Variants in TSPEAR observed in about 807,000 individuals in gnomAD.
The protein encoded by TSPEAR is thrombospondin-type laminin G domain and EAR repeat-containing protein.
In TSPEAR, 69 loss-of-function variants were observed where a neutral mutation model predicts 71.6. That is an observed-to-expected ratio of 0.96 (90% CI 0.79 to 1.18). The LOEUF is 1.18. Ranked by LOEUF, TSPEAR falls within the 50% of genes most tolerant of loss-of-function variation. The pLI, the probability that TSPEAR is intolerant of heterozygous loss-of-function variation, is 0.00. For missense variants in TSPEAR, 971 were observed against 894.9 expected, an observed-to-expected ratio of 1.09 and a Z score of -1.09; for synonymous variants, 402 against 387.2, an observed-to-expected ratio of 1.04 and a Z score of -0.45.
intron 1 of TSPEAR, among the ~76,000 whole-genome samples, chr21:44,655,096 G>A (rs1360456145): frequency 4.6e-5 from 7 of 152,192 alleles, no homozygotes; most frequent in Non-Finnish European, 8.8e-5. Flanking sequence ...TGATTATTGA[G>A]GTAACAGTAA....
At position 44,602,939 on chromosome 21, in the gene TSPEAR, C is replaced by T. The variant is rs587724355; in HGVS notation, c.83-34934G>A. The stretch of plus-strand genomic sequence containing the variant: ...GGCCTGTGTCCTCCTGGAGAATCGC[C>T]GTCTTGGGGACCCTGACACAGACCC... On this transcript the variant is annotated intron_variant, in intron 1 of 11. Transcript: ENST00000323084. Among the ~76,000 whole-genome samples, 277 of 152,210 alleles carry T rather than the reference C, an allele frequency of 1.8e-3. 1 individual carries two copies. Among genetic ancestry groups the T allele is most frequent in the Middle Eastern group, 6.8e-3 (2 of 294 alleles).
intron 1 of TSPEAR, among the ~76,000 whole-genome samples, chr21:44,649,896 A>C (rs1328324956): frequency 6.6e-6 from 1 of 151,740 alleles, no homozygotes; most frequent in Non-Finnish European, 1.5e-5. Flanking sequence ...CTTTGCACCG[A>C]CCTCTTTCCT....
At chr21:44,499,960 G>A (rs782290422) in intron 11 of TSPEAR, 24 bp from the exon 12 acceptor site, 8 of 1,585,784 alleles carry the variant, frequency 5.0e-6, no homozygotes, top group Non-Finnish European at 6.0e-6. Flanking sequence ...AGCGGCAGCC[G>A]GGTCAGCCTG....
chr21:44,615,756 C>T (rs1440544600), intron 1 of TSPEAR, among the ~76,000 whole-genome samples: 2 of 152,152 alleles, frequency 1.3e-5, no homozygotes, highest in African/African-American at 2.4e-5. Context: ...CATCATGCAA[C>T]AGTCGTATCC....
chr21:44,595,551 T>C lies in TSPEAR; in HGVS notation c.83-27546A>G, dbSNP rs147941732. Among the ~76,000 whole-genome samples, 245 of 152,302 alleles carry C rather than the reference T, an allele frequency of 1.6e-3. 1 individual carries two copies. The highest frequency in any genetic ancestry group is 5.7e-3 in the African/African-American group (235 of 41,568). On this transcript the variant is annotated intron_variant, in intron 1 of 11. Coordinates refer to ENST00000323084, the MANE Select transcript of TSPEAR (RefSeq NM_144991.3). Reference sequence around the variant, plus strand: ...AAGTTGGTTGAACACATGTGTTTTCTCTGTAAGACGTGCTGGAGCCTTCTG... The same window carrying C: ...AAGTTGGTTGAACACATGTGTTTTCCCTGTAAGACGTGCTGGAGCCTTCTG...
chr21:44,583,869 C>G (rs1569201521), intron 1 of TSPEAR, among the ~76,000 whole-genome samples: 1 of 152,124 alleles, frequency 6.6e-6, no homozygotes, highest in Admixed American at 6.5e-5. Context: ...TGTGATGAGA[C>G]ATTTAAGGTG....
At chr21:44,505,964 T>C (rs1555911870) in intron 10 of TSPEAR, among the ~76,000 whole-genome samples, 1 of 152,162 alleles carries the variant, frequency 6.6e-6, no homozygotes, top group Non-Finnish European at 1.5e-5. Context: ...GGTTTCCCGC[T>C]CTGGACACTG....
intron 10 of TSPEAR, chr21:44,508,902 C>G (rs1555912233): frequency 2.7e-6 from 4 of 1,483,050 alleles, no homozygotes; most frequent in Non-Finnish European, 3.6e-6. Flanking sequence ...GAAGCCCCCT[C>G]CTGCCTCCAC....
intron 1 of TSPEAR, among the ~76,000 whole-genome samples, chr21:44,603,495 CT>C (rs1473014910): frequency 6.6e-6 from 1 of 152,194 alleles, no homozygotes; most frequent in Non-Finnish European, 1.5e-5. Flanking sequence ...GGCTCCTCCC[CT>C]AGGCATGGCC....
chr21:44,515,211 A>G (rs587717207), intron 9 of TSPEAR, among the ~76,000 whole-genome samples: 2 of 152,394 alleles, frequency 1.3e-5, no homozygotes, highest in East Asian at 1.9e-4. Flanking sequence ...AATGTGAGAA[A>G]TGTTGGCAAA....
At chr21:44,516,076 T>A (rs1460450965) in intron 9 of TSPEAR, 1 of 152,194 alleles carries the variant, frequency 6.6e-6, no homozygotes, top group Non-Finnish European at 1.5e-5. Context: ...CTCCTGAGCC[T>A]CAGTTTCCAC....
At chr21:44,508,757 G>C in intron 10 of TSPEAR, 2 of 1,277,192 alleles carry the variant, frequency 1.6e-6, no homozygotes, top group Non-Finnish European at 2.0e-6. Flanking sequence ...GTTTGTTGTC[G>C]GGGAGGATGC....
intron 1 of TSPEAR, chr21:44,677,185 T>C (rs1569253771): frequency 2.8e-6 from 2 of 712,666 alleles, no homozygotes; most frequent in Non-Finnish European, 5.2e-6. Context: ...ACCTCTTCTT[T>C]CTTTGCATTT....
Position 44,527,452 on chromosome 21 carries a change from A to C in TSPEAR, c.989T>G (p.Ile330Ser). ...CACCTGAGGGATGCGGAACACCTCA[A>C]TGCCCAGGGTCTCTGAGTTGGTGGA... Reference protein sequence around the residue: ...NLSTNSETLGIEVFRIPQVGL... With the variant: ...NLSTNSETLGSEVFRIPQVGL... The change falls in exon 7 of 12, where the codon ATT (isoleucine) becomes AGT (serine). Residue 330 changes from isoleucine to serine, a missense_variant. Physicochemically the swap from Ile to Ser is moderately radical, Grantham distance 142. Transcript: ENST00000323084. The C allele has an allele frequency of 6.2e-7, 1 of 1,614,216 alleles. No homozygotes were observed. Among genetic ancestry groups the C allele is most frequent in the African/African-American group, 1.3e-5 (1 of 75,058 alleles).
intron 9 of TSPEAR, among the ~76,000 whole-genome samples, chr21:44,521,452 C>T (rs1269738101): frequency 6.6e-6 from 1 of 152,228 alleles, no homozygotes; most frequent in Non-Finnish European, 1.5e-5. Context: ...ACCCGGCCCC[C>T]ACGCTGCCCT....
intron 2 of TSPEAR, chr21:44,539,389 A>G (rs587684484): frequency 2.0e-4 from 327 of 1,612,462 alleles, no homozygotes; most frequent in East Asian, 1.1e-3. Context: ...AGGAGGAGGC[A>G]GGGGCACAGC....
chr21:44,532,989 T>G (rs2053003796), intron 3 of TSPEAR, among the ~76,000 whole-genome samples: 1 of 152,182 alleles, frequency 6.6e-6, no homozygotes. Flanking sequence ...TACTCTGACT[T>G]CCCGCTGCTG....
intron 1 of TSPEAR, among the ~76,000 whole-genome samples, chr21:44,577,295 T>A (rs1323551134): frequency 1.3e-5 from 2 of 152,196 alleles, no homozygotes; most frequent in Non-Finnish European, 2.9e-5. Context: ...AACTCCACTG[T>A]GTTTGTCCAT....
At chr21:44,534,012 C>T (rs374228747) in intron 2 of TSPEAR, 89 bp from the exon 3 acceptor site, 5 of 967,442 alleles carry the variant, frequency 5.2e-6, no homozygotes, top group Admixed American at 4.1e-5. Flanking sequence ...AGGTGATGAG[C>T]ACAGGTGGTG....
Sources: allele counts gnomAD v4.1 joint callset (sites outside exome capture counted in the v4.1 genomes callset), GRCh38; gene constraint gnomAD v4.1.1; transcripts MANE v1.5; gene names NCBI Gene and HGNC (gene_info 2026-07-23, HGNC 2026-07-21).